Variants in MRTFB observed in about 807,000 individuals in gnomAD.
MRTFB encodes the protein myocardin-related transcription factor B.
Under a neutral mutation model 104.2 loss-of-function variants are expected in MRTFB, and 29 were observed. The observed-to-expected ratio is 0.28, with a 90% CI of 0.21 to 0.38. The LOEUF is 0.38. MRTFB is among the 10% of genes least tolerant of loss of function. The pLI is 1.00. For missense variants in MRTFB, 1,270 were observed against 1,341.6 expected (o/e 0.95, Z 0.83); for synonymous variants, 535 against 519.5 (o/e 1.03, Z -0.41).
the MRTFB span, among the ~76,000 whole-genome samples, chr16:14,034,637 G>C: frequency 6.8e-6 from 1 of 146,756 alleles, no homozygotes; most frequent in Non-Finnish European, 1.5e-5. Context: ...AAAAAAAAAG[G>C]CCATCTTCTC....
chr16:14,110,995 C>G (rs2036240940), intron 2 of MRTFB, among the ~76,000 whole-genome samples: 1 of 152,198 alleles, frequency 6.6e-6, no homozygotes, highest in Admixed American at 6.5e-5. Flanking sequence ...TGATCCCACC[C>G]TATCCATCTA....
chr16:14,228,931 G>C (rs1243025648), intron 8 of MRTFB, among the ~76,000 whole-genome samples: 1 of 152,146 alleles, frequency 6.6e-6, no homozygotes, highest in Non-Finnish European at 1.5e-5. Context: ...GTGGAACCAG[G>C]GGGACATTGT....
In MRTFB at chr16:14,262,086, T is replaced by A. The variant is rs2151487133; in HGVS notation, c.*642T>A. 1 of 152,340 alleles carries A rather than the reference T, an allele frequency of 6.6e-6. No homozygotes were observed. Among genetic ancestry groups the A allele is most frequent in the South Asian group, 2.1e-4 (1 of 4,820 alleles). 9.4% of individuals were successfully genotyped at this position (152,340 alleles called of 1,614,324 possible). A position where few individuals can be genotyped will look rare whatever the true frequency, so the allele number is the denominator to read the frequency against. On this transcript the variant is annotated 3_prime_UTR_variant, in exon 17 of 17. Transcript: ENST00000571589. ...CGTACTTTATATTTCCAAATTTAAA[T>A]TTAAATGCAAGATCTTTCAACATAA...
chr16:14,129,496 G>T (rs182124155), intron 2 of MRTFB, among the ~76,000 whole-genome samples: 2 of 152,250 alleles, frequency 1.3e-5, no homozygotes, highest in Non-Finnish European at 2.9e-5. Flanking sequence ...GAATAATGCT[G>T]CTATGAATAT....
At chr16:14,100,965 C>G (rs549056305) in intron 2 of MRTFB, among the ~76,000 whole-genome samples, 2 of 152,170 alleles carry the variant, frequency 1.3e-5, no homozygotes, top group South Asian at 4.1e-4. Flanking sequence ...ATCAGTCCAA[C>G]TGGAGGTTTA....
At chr16:14,071,792 C>G (rs1481056710) in intron 1 of MRTFB, among the ~76,000 whole-genome samples, 1 of 152,168 alleles carries the variant, frequency 6.6e-6, no homozygotes, top group African/African-American at 2.4e-5. Flanking sequence ...GGGACCGGGA[C>G]CCCTGCGCCC....
chr16:14,235,168 A>G (rs562170096), intron 9 of MRTFB, among the ~76,000 whole-genome samples: 1 of 152,330 alleles, frequency 6.6e-6, no homozygotes. Context: ...TTTCAGATGA[A>G]CACAATGCAT....
chr16:14,135,108 T>C (rs941914769), intron 2 of MRTFB, among the ~76,000 whole-genome samples: 4 of 152,234 alleles, frequency 2.6e-5, no homozygotes, highest in African/African-American at 7.2e-5. Flanking sequence ...TTCAGCGTTC[T>C]GGCCTTGGGG....
chr16:14,054,516 C>T, the MRTFB span, among the ~76,000 whole-genome samples: 1 of 152,222 alleles, frequency 6.6e-6, no homozygotes, highest in East Asian at 1.9e-4. Context: ...CATGACCGGC[C>T]CTTTTCATTC....
chr16:14,200,331 G>A (rs549596392), intron 3 of MRTFB: 68 of 1,607,370 alleles, frequency 4.2e-5, no homozygotes, highest in Non-Finnish European at 5.0e-5. Flanking sequence ...CGTGGCTCCC[G>A]GAAGTAAGGC....
rs573907780 is a variant in MRTFB, at chr16:14,194,196, T to TA, written c.155-16046dup. Among the ~76,000 whole-genome samples the TA allele has an allele frequency of 1.9e-4, 29 of 152,356 alleles. No individual in the cohort carries two copies. In the East Asian group the frequency reaches 5.6e-3, roughly 29 times the overall value. On this transcript the variant is annotated intron_variant, in intron 3 of 16. Coordinates refer to ENST00000571589, the MANE Select transcript of MRTFB (RefSeq NM_001308142.2). ...TTCCCAGTTGTATTTGTATTGCTTA[T>TA]ACTGCAATAACAAAATACCGGTGGA...
chr16:14,109,198 G>A (rs1318365631), intron 2 of MRTFB, among the ~76,000 whole-genome samples: 1 of 152,140 alleles, frequency 6.6e-6, no homozygotes, highest in Non-Finnish European at 1.5e-5. Context: ...GGAAGCTGTT[G>A]TGTAGTTCCT....
At chr16:14,057,400 T>G in the MRTFB span, among the ~76,000 whole-genome samples, 2 of 152,180 alleles carry the variant, frequency 1.3e-5, no homozygotes, top group African/African-American at 4.8e-5. Context: ...ACCATCTCAT[T>G]GATTTCTGTC....
chr16:14,025,419 A>C, the MRTFB span, among the ~76,000 whole-genome samples: 1 of 152,192 alleles, frequency 6.6e-6, no homozygotes, highest in Admixed American at 6.5e-5. Context: ...AGATCTTTAT[A>C]GGCCAGTTGT....
In MRTFB at chr16:14,140,534, A is replaced by C; in HGVS notation, c.-63-10A>C. On this transcript the variant is annotated splice_polypyrimidine_tract_variant and intron_variant, in intron 2 of 16. Coordinates refer to ENST00000571589, the MANE Select transcript of MRTFB (RefSeq NM_001308142.2). ...TGCACCATCTCTTTACACATTCTTT[A>C]TTTTGGCAGTGTCTTCAATAGGCCG... 2 of 1,554,088 alleles carry C rather than the reference A, an allele frequency of 1.3e-6. No individual in the cohort carries two copies. Among genetic ancestry groups the C allele is most frequent in the Non-Finnish European group, 1.8e-6 (2 of 1,137,684 alleles).
chr16:14,242,936 A>C (rs2042838279), intron 10 of MRTFB, among the ~76,000 whole-genome samples: 1 of 152,138 alleles, frequency 6.6e-6, no homozygotes, highest in Non-Finnish European at 1.5e-5. Context: ...ACAAGGAAGC[A>C]AAAGGTGGCT....
At chr16:14,071,656 A>T (rs1038934814) in intron 1 of MRTFB, among the ~76,000 whole-genome samples, 1 of 151,954 alleles carries the variant, frequency 6.6e-6, no homozygotes, top group South Asian at 2.1e-4. Flanking sequence ...CCCTGCTGAC[A>T]GTGGCAGCGG....
the MRTFB span, among the ~76,000 whole-genome samples, chr16:14,017,548 T>C: frequency 7.0e-6 from 1 of 142,336 alleles, no homozygotes; most frequent in Non-Finnish European, 1.5e-5. Context: ...CTCTATGGTA[T>C]GAGTTTTGTG....
chr16:14,222,237 C>T (rs2041759196), intron 8 of MRTFB, among the ~76,000 whole-genome samples: 1 of 152,150 alleles, frequency 6.6e-6, no homozygotes. Flanking sequence ...CACTTTCCTT[C>T]TTGTTTGCCT....
Sources: allele counts gnomAD v4.1 joint callset (sites outside exome capture counted in the v4.1 genomes callset), GRCh38; gene constraint gnomAD v4.1.1; transcripts MANE v1.5; gene names NCBI Gene and HGNC (gene_info 2026-07-23, HGNC 2026-07-21).